Variants in SLC16A4 observed in about 807,000 individuals in gnomAD.
The protein encoded by SLC16A4 is probable monocarboxylate transporter 5.
SLC16A4 carries 39 observed loss-of-function variants against 47.9 expected under a neutral mutation model. The observed-to-expected ratio is 0.81, with a 90% CI of 0.63 to 1.06. The LOEUF (loss-of-function observed/expected upper bound fraction) is 1.06, where lower values mean the gene tolerates loss of function less well. Among genes scored for constraint, SLC16A4 ranks in the 50% least tolerant of loss-of-function variants. The pLI is 0.00. For synonymous variants in SLC16A4, 189 were observed against 199.9 expected (o/e 0.95, Z 0.46); for missense variants, 524 against 573.8 (o/e 0.91, Z 0.89).
intron 8 of SLC16A4, among the ~76,000 whole-genome samples, chr1:110,367,202 T>G (rs181651458): frequency 1.2e-4 from 19 of 152,310 alleles, no homozygotes; most frequent in African/African-American, 3.4e-4. Context: ...CTGCTGAAAG[T>G]AAAAGGATTG....
chr1:110,376,823 T>A, intron 7 of SLC16A4, 127 bp downstream of exon 7: 1 of 785,552 alleles, frequency 1.3e-6, no homozygotes, highest in Non-Finnish European at 2.0e-6. Context: ...AGCTGCAGAG[T>A]TTCTAAGGTC....
At chr1:110,384,659 C>T (rs1662632658) in intron 2 of SLC16A4, among the ~76,000 whole-genome samples, 1 of 152,322 alleles carries the variant, frequency 6.6e-6, no homozygotes, top group East Asian at 1.9e-4. Flanking sequence ...CCAGGGGTTT[C>T]GTAGCGTTGG....
rs542273389 is a variant in SLC16A4, at chr1:110,380,058, C to CAAAAAAAAAAA, written c.527-713_527-703dup. On this transcript the variant is annotated intron_variant, in intron 5 of 8. Coordinates refer to ENST00000369779, the MANE Select transcript of SLC16A4 (RefSeq NM_004696.3). ...AATGACAAAGCGAGAGAGCCTGTCT[C>CAAAAAAAAAAA]AAAAAAAAAAAAAAAGCAGCGGGAG... is the stretch of plus-strand genomic sequence containing the variant. Among the ~76,000 whole-genome samples the CAAAAAAAAAAA allele has an allele frequency of 4.2e-4, 40 of 96,226 alleles. 2 individuals are homozygous for CAAAAAAAAAAA. Among genetic ancestry groups the CAAAAAAAAAAA allele is most frequent in the East Asian group, 1.0e-3 (2 of 1,934 alleles). 63.1% of individuals were successfully genotyped at this position (96,226 alleles called of 152,430 possible).
chr1:110,388,284 T>C (rs1166565261), intron 2 of SLC16A4, among the ~76,000 whole-genome samples: 1 of 152,062 alleles, frequency 6.6e-6, no homozygotes, highest in Non-Finnish European at 1.5e-5. Context: ...CCTGGGAGGG[T>C]GAGGGAAAGA....
At chr1:110,367,217 G>C (rs1302208316) in intron 8 of SLC16A4, among the ~76,000 whole-genome samples, 1 of 152,246 alleles carries the variant, frequency 6.6e-6, no homozygotes, top group Non-Finnish European at 1.5e-5. Flanking sequence ...GGATTGGCCA[G>C]GCACAGTGGC....
intron 8 of SLC16A4, among the ~76,000 whole-genome samples, chr1:110,373,880 T>G (rs1661823541): frequency 6.6e-6 from 1 of 151,886 alleles, no homozygotes; most frequent in South Asian, 2.1e-4. Flanking sequence ...CCTCACTATC[T>G]TGTCCAGGCT....
In SLC16A4 at chr1:110,363,789, T is replaced by A; in HGVS notation, c.1441A>T (p.Arg481Ter). 6.2e-7 allele frequency: 1 copy of A among 1,610,400 alleles called. No homozygotes were observed. The highest frequency in any genetic ancestry group is 8.5e-7 in the Non-Finnish European group (1 of 1,178,806). The stretch of plus-strand genomic sequence containing the variant: ...TTTCAGGTCAGACTGTTTTTCCATC[T>A]TTCGGCCAATGGTACAAAAAAAAAG... ...VSFFFVPLAE[R>*]WKNSLT Residue 481 changes from arginine to a stop codon, truncating the protein, a stop_gained, in exon 9 of 9, where the codon AGA becomes TGA. Transcript: ENST00000369779. LOFTEE classifies it high-confidence loss of function.
Position 110,377,088 on chromosome 1 carries a change from G to A in SLC16A4, c.1104C>T (p.Tyr368=), listed in dbSNP as rs763719110. The part of the protein sequence containing the change: ...ADQNWIKKYH[Y]HKSYLILCGI... Reference sequence around the variant, plus strand: ...CGCAGAGGATGAGGTAAGACTTGTGGTAATGATACTTCTTAATCCAGTTTT... The same window carrying A: ...CGCAGAGGATGAGGTAAGACTTGTGATAATGATACTTCTTAATCCAGTTTT... Residue 368 remains tyrosine, a synonymous_variant, in exon 7 of 9, where the codon TAC becomes TAT. Coordinates refer to ENST00000369779, the MANE Select transcript of SLC16A4 (RefSeq NM_004696.3). 2 of 1,614,006 alleles carry A rather than the reference G, an allele frequency of 1.2e-6. No individual in the cohort carries two copies. The highest frequency in any genetic ancestry group is 4.5e-5 in the East Asian group (2 of 44,890).
chr1:110,368,952 G>T (rs1055584975), intron 8 of SLC16A4, among the ~76,000 whole-genome samples: 2 of 151,140 alleles, frequency 1.3e-5, no homozygotes, highest in South Asian at 2.1e-4. Context: ...GCTAAGTTAT[G>T]AATCTTTTTT....
chr1:110,372,548 G>A (rs928317188), intron 8 of SLC16A4: 4 of 152,234 alleles, frequency 2.6e-5, no homozygotes, highest in Non-Finnish European at 1.5e-5. Flanking sequence ...TCAGAAGTTA[G>A]GAACAAATCT....
intron 8 of SLC16A4, among the ~76,000 whole-genome samples, chr1:110,364,181 C>T (rs1661237869): frequency 6.6e-6 from 1 of 152,142 alleles, no homozygotes; most frequent in Non-Finnish European, 1.5e-5. Context: ...AGAAAATAAT[C>T]ATAAATTATT....
chr1:110,384,566 T>C (rs1162914895), intron 2 of SLC16A4, among the ~76,000 whole-genome samples: 3 of 152,340 alleles, frequency 2.0e-5, no homozygotes, highest in South Asian at 2.1e-4. Flanking sequence ...TAAGTAACAG[T>C]CATGCTTTAT....
chr1:110,378,729 A>T, intron 6 of SLC16A4, 124 bp downstream of exon 6: 1 of 1,225,422 alleles, frequency 8.2e-7, no homozygotes, highest in Non-Finnish European at 1.1e-6. Context: ...CAAAAATTTT[A>T]CTTTCTCTGG....
rs1198602345 is a variant in SLC16A4 at position 110,381,693 on chromosome 1, G to A, written c.323C>T (p.Thr108Ile). The change falls in exon 4 of 9, where the codon ACA (threonine) becomes ATA (isoleucine). Residue 108 changes from threonine (T) to isoleucine (I), a missense_variant. By Grantham distance (89) the Thr-to-Ile change is moderately conservative. Coordinates refer to ENST00000369779, the MANE Select transcript of SLC16A4 (RefSeq NM_004696.3). ...TGGYLISSWATSIPFLCVTMG... is the reference protein window; with the variant it reads ...TGGYLISSWAISIPFLCVTMG... ...AGTCACACAAAGAAAAGGAATACTT[G>A]TGGCCCAGCTGCTGATCAGATATCC... is the stretch of plus-strand genomic sequence containing the variant. The A allele has an allele frequency of 6.8e-6, 11 of 1,613,570 alleles. No individual in the cohort carries two copies. Among genetic ancestry groups the A allele is most frequent in the Non-Finnish European group, 9.3e-6 (11 of 1,179,888 alleles).
At chr1:110,375,327 A>G (rs1418373989) in intron 8 of SLC16A4, 131 bp downstream of exon 8, 2 of 643,992 alleles carry the variant, frequency 3.1e-6, no homozygotes, top group Non-Finnish European at 5.7e-6. Context: ...TGGAGTGAGT[A>G]GATATAGGAA....
intron 6 of SLC16A4, among the ~76,000 whole-genome samples, chr1:110,378,612 T>C (rs532926279): frequency 1.3e-5 from 2 of 152,324 alleles, no homozygotes; most frequent in East Asian, 1.9e-4. Context: ...AACACTGTTA[T>C]ATGAAGATGA....
intron 6 of SLC16A4, 108 bp from the exon 7 acceptor site, chr1:110,377,269 T>A: frequency 1.2e-6 from 1 of 867,418 alleles, no homozygotes; most frequent in Non-Finnish European, 1.8e-6. Context: ...CCAGGATATG[T>A]GAGGAAAAAA....
chr1:110,364,094 C>T (rs1661233347), intron 8 of SLC16A4, among the ~76,000 whole-genome samples: 1 of 152,138 alleles, frequency 6.6e-6, no homozygotes, highest in South Asian at 2.1e-4. Flanking sequence ...TCCAATCTTA[C>T]AGTGGAAGTT....
At chr1:110,388,652 T>C (rs1662860920) in intron 2 of SLC16A4, among the ~76,000 whole-genome samples, 1 of 152,196 alleles carries the variant, frequency 6.6e-6, no homozygotes, top group Non-Finnish European at 1.5e-5. Context: ...CTGCTGATTG[T>C]GACTGAGCAT....
Sources: allele counts gnomAD v4.1 joint callset (sites outside exome capture counted in the v4.1 genomes callset), GRCh38; gene constraint gnomAD v4.1.1; transcripts MANE v1.5; gene names NCBI Gene and HGNC (gene_info 2026-07-23, HGNC 2026-07-21).